NPNT: variants seen among roughly 807,000 people sequenced by gnomAD.
NPNT encodes nephronectin.
Under a neutral mutation model 68.6 loss-of-function variants are expected in NPNT, and 45 were observed. The observed-to-expected ratio is 0.66, with a 90% CI of 0.52 to 0.84. NPNT has a LOEUF of 0.84. Ranked by LOEUF, NPNT falls within the 40% of genes least tolerant of loss-of-function variation. The probability of loss-of-function intolerance (pLI) is 0.00; values close to 1 mark genes in which losing one functional copy is unlikely to be tolerated. For synonymous variants in NPNT, 233 were observed against 253.3 expected (o/e 0.92, Z 0.76); for missense variants, 672 against 714.8 (o/e 0.94, Z 0.68).
chr4:105,940,949 A>G (rs1010762109), intron 7 of NPNT, among the ~76,000 whole-genome samples: 17 of 152,136 alleles, frequency 1.1e-4, no homozygotes, highest in African/African-American at 4.1e-4. Flanking sequence ...ATTAGAAATC[A>G]TGTTTGCCAT....
chr4:105,931,668 C>CAAAAAAAAAAA (rs59960189), intron 3 of NPNT, among the ~76,000 whole-genome samples: 1 of 99,910 alleles, frequency 1.0e-5, no homozygotes, highest in Admixed American at 1.1e-4. Flanking sequence ...ACTAAAAATA[C>CAAAAAAAAAAA]AAAAAAAAAA....
chr4:105,923,819 A>G (rs1200327720), intron 2 of NPNT, among the ~76,000 whole-genome samples: 1 of 152,118 alleles, frequency 6.6e-6, no homozygotes, highest in Non-Finnish European at 1.5e-5. Context: ...AATAGGGAAC[A>G]TAGTTTTCCA....
At chr4:105,935,264 C>G (rs973499110) in intron 3 of NPNT, among the ~76,000 whole-genome samples, 7 of 152,094 alleles carry the variant, frequency 4.6e-5, no homozygotes, top group Admixed American at 2.6e-4. Flanking sequence ...CAGAAAAATA[C>G]TTAAAACACA....
At chr4:105,950,162 C>G (rs1469547908) in intron 8 of NPNT, among the ~76,000 whole-genome samples, 2 of 152,084 alleles carry the variant, frequency 1.3e-5, no homozygotes, top group Non-Finnish European at 1.5e-5. Context: ...CTATTTTTAA[C>G]CTTTCAGATT....
chr4:105,955,764 A>C (rs1187444865), intron 8 of NPNT, among the ~76,000 whole-genome samples: 2 of 151,858 alleles, frequency 1.3e-5, no homozygotes, highest in African/African-American at 4.8e-5. Flanking sequence ...TTGTTCTGCT[A>C]CTTATTTCAC....
Position 105,937,091 on chromosome 4 carries a change from C to T in NPNT, c.348C>T (p.Leu116=), listed in dbSNP as rs1325626292. 2 of 1,613,714 alleles carry T rather than the reference C, an allele frequency of 1.2e-6. No homozygotes were observed. Among genetic ancestry groups the T allele is most frequent in the Admixed American group, 3.3e-5 (2 of 59,998 alleles). The change falls in exon 4 of 12, where the codon CTC becomes CTT. Residue 116 remains leucine, a synonymous_variant. Transcript: ENST00000379987. ...NTYGSYKCYC[L]NGYMLMPDGS... ...ACGGCAGCTACAAGTGCTACTGTCT[C>T]AACGGATATATGCTCATGCCGGATG... is the stretch of plus-strand genomic sequence containing the variant.
intron 2 of NPNT, among the ~76,000 whole-genome samples, chr4:105,909,764 C>T (rs1478226445): frequency 6.6e-6 from 1 of 152,066 alleles, no homozygotes; most frequent in African/African-American, 2.4e-5. Flanking sequence ...AGAGCTATTG[C>T]TTTTTCTAGC....
At chr4:105,940,481 A>G in intron 6 of NPNT, 33 bp from the exon 7 acceptor site, 1 of 1,594,138 alleles carries the variant, frequency 6.3e-7, no homozygotes, top group Non-Finnish European at 8.6e-7. Flanking sequence ...TATCTCCTAA[A>G]TAAGTCTCTT....
At chr4:105,968,333 G>A (rs6533227) in intron 11 of NPNT, among the ~76,000 whole-genome samples, 1 of 152,020 alleles carries the variant, frequency 6.6e-6, no homozygotes, top group Admixed American at 6.6e-5. Context: ...ATAGCACTTA[G>A]GTTTTCTCTT....
In NPNT at chr4:105,969,116, T is replaced by A. The variant is rs1014990496; in HGVS notation, c.*126T>A. On this transcript the variant is annotated 3_prime_UTR_variant, in exon 12 of 12. Coordinates refer to ENST00000379987, the MANE Select transcript of NPNT (RefSeq NM_001033047.3). ...TGGGTCAGTGGGTCAGAAGGAAGTC[T>A]ATTTGGTGACCCAGGTTTTTCTGGC... 9.7e-6 allele frequency: 6 copies of A among 620,188 alleles called. No individual in the cohort carries two copies. The African/African-American group carries it at 1.1e-4, about 11-fold the overall frequency. 38.4% of individuals were successfully genotyped at this position (620,188 alleles called of 1,614,324 possible).
rs148254040 is a variant in NPNT at position 105,951,685 on chromosome 4, G to A, written c.1160-6786G>A. Among the ~76,000 whole-genome samples the A allele has an allele frequency of 9.3e-4, 141 of 152,226 alleles. 1 individual carries two copies. Among genetic ancestry groups the A allele is most frequent in the Non-Finnish European group, 1.3e-3 (90 of 68,020 alleles). On this transcript the variant is annotated intron_variant, in intron 8 of 11. Transcript: ENST00000379987. ...CGAATTGTCACTTCTCACAGGTTAG[G>A]ATCTGCTGCTGTGAATTCTGAAAGT... is the stretch of plus-strand genomic sequence containing the variant.
At chr4:105,963,721 C>T (rs1261317368) in intron 10 of NPNT, among the ~76,000 whole-genome samples, 1 of 150,612 alleles carries the variant, frequency 6.6e-6, no homozygotes, top group Non-Finnish European at 1.5e-5. Flanking sequence ...CTCTGTCTGC[C>T]ACTGATAGCT....
intron 8 of NPNT, among the ~76,000 whole-genome samples, chr4:105,948,155 G>A (rs540174977): frequency 3.3e-5 from 5 of 152,072 alleles, no homozygotes; most frequent in Admixed American, 3.3e-4. Context: ...TATAGCCATT[G>A]AAAATATTCT....
intron 4 of NPNT, 120 bp from the exon 5 acceptor site, chr4:105,938,181 C>T: frequency 1.2e-6 from 1 of 829,734 alleles, no homozygotes; most frequent in Non-Finnish European, 1.9e-6. Context: ...ATAGTTAAGG[C>T]CTCTTTGTCT....
At chr4:105,907,163 T>G (rs1228934389) in intron 2 of NPNT, among the ~76,000 whole-genome samples, 2 of 152,208 alleles carry the variant, frequency 1.3e-5, no homozygotes, top group Non-Finnish European at 2.9e-5. Context: ...GGAAATACTC[T>G]GCATATCAAC....
At chr4:105,910,451 G>T (rs529673922) in intron 2 of NPNT, among the ~76,000 whole-genome samples, 237 of 152,076 alleles carry the variant, frequency 1.6e-3, no homozygotes, top group African/African-American at 5.2e-3. Context: ...TCTGTATTAT[G>T]TGCTATGAAT....
intron 10 of NPNT, among the ~76,000 whole-genome samples, chr4:105,964,391 A>C (rs972004253): frequency 6.6e-6 from 1 of 152,232 alleles, no homozygotes; most frequent in African/African-American, 2.4e-5. Flanking sequence ...ATGTTAGACT[A>C]TATCCATAGA....
At chr4:105,928,759 T>C (rs543075396) in intron 3 of NPNT, among the ~76,000 whole-genome samples, 49 of 130,680 alleles carry the variant, frequency 3.7e-4, no homozygotes, top group African/African-American at 1.2e-3. Context: ...CTCCCTATCA[T>C]CTTAAATGTC....
Position 105,968,962 on chromosome 4 carries a change from A to C in NPNT, c.1670A>C (p.Lys557Thr). The change falls in exon 12 of 12, where the codon AAA (lysine) becomes ACA (threonine). Residue 557 changes from lysine to threonine, a missense_variant. Lys to Thr is a moderately conservative substitution (Grantham distance 78). Transcript: ENST00000379987. ...GEIGLDDVSL[K>T]KGHCSEER ...ATTGGATTAGATGATGTGAGCTTGAAAAAAGGCCACTGCTCTGAAGAACGC... is the reference window on the plus strand; with the variant it reads ...ATTGGATTAGATGATGTGAGCTTGACAAAAGGCCACTGCTCTGAAGAACGC... 1 of 1,612,880 alleles carries C rather than the reference A, an allele frequency of 6.2e-7. No homozygotes were observed. Among genetic ancestry groups the C allele is most frequent in the Non-Finnish European group, 8.5e-7 (1 of 1,178,906 alleles).
Sources: allele counts gnomAD v4.1 joint callset (sites outside exome capture counted in the v4.1 genomes callset), GRCh38; gene constraint gnomAD v4.1.1; transcripts MANE v1.5; gene names NCBI Gene and HGNC (gene_info 2026-07-23, HGNC 2026-07-21).